Variants in ZNF696 observed in about 807,000 individuals in gnomAD.
The protein encoded by ZNF696 is zinc finger protein 696.
Under a neutral mutation model 12.3 loss-of-function variants are expected in ZNF696, and 10 were observed. The observed-to-expected ratio is 0.81, with a 90% CI of 0.50 to 1.38. The LOEUF is 1.38. ZNF696 is among the 40% of genes most tolerant of loss of function. The pLI, the probability that ZNF696 is intolerant of heterozygous loss-of-function variation, is 0.00. For missense variants in ZNF696, 675 were observed against 554.7 expected, an observed-to-expected ratio of 1.22 and a Z score of -2.18; for synonymous variants, 304 against 243.9, an observed-to-expected ratio of 1.25 and a Z score of -2.29.
chr8:143,294,087 C>G (rs1250681801), intron 2 of ZNF696, among the ~76,000 whole-genome samples: 1 of 152,380 alleles, frequency 6.6e-6, no homozygotes, highest in East Asian at 1.9e-4. Context: ...TCGTTGGCCC[C>G]CCTCCTCCTG....
At position 143,296,224 on chromosome 8, in the gene ZNF696, C is replaced by T. The variant is rs893111554; in HGVS notation, c.549C>T (p.Cys183=). 1 of 1,594,622 alleles carries T rather than the reference C, an allele frequency of 6.3e-7. No individual in the cohort carries two copies. The change falls in exon 3 of 3, where the codon TGC becomes TGT. Residue 183 remains cysteine, a synonymous_variant. Transcript: ENST00000330143. The stretch of plus-strand genomic sequence containing the variant: ...ACAGCGGGGAGAGGCCCTACGCGTG[C>T]GCCGAGTGCGGCAAGGCCTTCGGCC... ...RAHSGERPYA[C]AECGKAFGQS... is the part of the protein sequence containing the mutation.
In ZNF696 at chr8:143,297,933, A is replaced by C. The variant is rs745660067; in HGVS notation, c.*1133A>C. On this transcript the variant is annotated 3_prime_UTR_variant, in exon 3 of 3. Coordinates refer to ENST00000330143, the MANE Select transcript of ZNF696 (RefSeq NM_030895.3). ...TCGTTTTCTCTTTGAGACTGTTATG[A>C]GTATGTACAAATGTTATTTCCTGTA... The C allele has an allele frequency of 1.3e-5, 2 of 152,168 alleles. No homozygotes were observed. The highest frequency in any genetic ancestry group is 2.9e-5 in the Non-Finnish European group (2 of 68,040). 9.4% of individuals were successfully genotyped at this position (152,168 alleles called of 1,614,324 possible).
Position 143,296,012 on chromosome 8 carries a change from G to T in ZNF696, c.337G>T (p.Gly113Cys), listed in dbSNP as rs760815415. 2.5e-6 allele frequency: 4 copies of T among 1,595,064 alleles called. No homozygotes were observed. The highest frequency in any genetic ancestry group is 1.3e-5 in the African/African-American group (1 of 74,540). ...ESDVPPNAGP[G>C]AEGGGSWKGR... ...AGACGTCCCTCCGAACGCAGGCCCC[G>T]GCGCAGAGGGCGGGGGCAGCTGGAA... Residue 113 changes from glycine to cysteine, a missense_variant, in exon 3 of 3, where the codon GGC becomes TGC. Transcript: ENST00000330143.
chr8:143,293,754 C>A (rs1815663416), intron 2 of ZNF696, among the ~76,000 whole-genome samples: 1 of 152,258 alleles, frequency 6.6e-6, no homozygotes, highest in South Asian at 2.1e-4. Flanking sequence ...AGTTCTTGAA[C>A]TTCCAAGTCT....
intron 2 of ZNF696, among the ~76,000 whole-genome samples, chr8:143,294,393 T>TTC (rs1554616977): frequency 6.6e-6 from 1 of 150,642 alleles, no homozygotes; most frequent in Non-Finnish European, 1.5e-5. Context: ...TTCTTTTCTT[T>TTC]TTTTTTTTTT....
In ZNF696 at chr8:143,295,762, G is replaced by A. The variant is rs772938812; in HGVS notation, c.87G>A (p.Ala29=). Residue 29 remains alanine, a synonymous_variant, in exon 3 of 3, where the codon GCG becomes GCA. Coordinates refer to ENST00000330143, the MANE Select transcript of ZNF696 (RefSeq NM_030895.3). The part of the protein sequence containing the change: ...SLAAVKAAFL[A]QAPSGSRSAE... ...CAGCTGTGAAGGCTGCTTTCCTGGCGCAGGCCCCGAGTGGCAGCCGGTCAG... is the reference window on the plus strand; with the variant it reads ...CAGCTGTGAAGGCTGCTTTCCTGGCACAGGCCCCGAGTGGCAGCCGGTCAG... 17 of 1,600,712 alleles carry A rather than the reference G, an allele frequency of 1.1e-5. No individual in the cohort carries two copies. Among genetic ancestry groups the A allele is most frequent in the Admixed American group, 3.5e-5 (2 of 57,922 alleles).
At chr8:143,291,920 A>C (rs1296981194) in intron 1 of ZNF696, among the ~76,000 whole-genome samples, 153 bp downstream of exon 1, 2 of 150,808 alleles carry the variant, frequency 1.3e-5, no homozygotes, top group East Asian at 3.9e-4. Flanking sequence ...GGCAGGCGGG[A>C]TTACAGGCGG....
chr8:143,292,964 C>G lies in ZNF696; in HGVS notation c.-30-8C>G, dbSNP rs755290390. On this transcript the variant is annotated splice_region_variant and splice_polypyrimidine_tract_variant and intron_variant, in intron 1 of 2. Transcript: ENST00000330143. ...GTGATTTATTTTCCTTTTCTTTTAC[C>G]TAAGCAGAAATTGTTCCAACTGCTG... The G allele has an allele frequency of 7.5e-6, 12 of 1,610,588 alleles. No homozygotes were observed. The highest frequency in any genetic ancestry group is 1.7e-5 in the Admixed American group (1 of 59,406).
Position 143,299,575 on chromosome 8 carries a change from G to A in ZNF696, c.*2775G>A, listed in dbSNP as rs1050242204. Among the ~76,000 whole-genome samples the A allele has an allele frequency of 6.6e-6, 1 of 152,176 alleles. No individual in the cohort carries two copies. Among genetic ancestry groups the A allele is most frequent in the Non-Finnish European group, 1.5e-5 (1 of 68,034 alleles). ...GGAGTTTGAGGCAGCAGTGAGCTAC[G>A]ATTGTGCCGCTGCACTCCAGACTGG... is the stretch of plus-strand genomic sequence containing the variant. On this transcript the variant is annotated 3_prime_UTR_variant, in exon 3 of 3. Transcript: ENST00000330143.
At chr8:143,292,309 C>T (rs1042897785) in intron 1 of ZNF696, 20 of 152,224 alleles carry the variant, frequency 1.3e-4, no homozygotes, top group African/African-American at 3.6e-4. Flanking sequence ...AATGTATTGC[C>T]TACTGGTTTT....
Position 143,296,386 on chromosome 8 carries a change from C to A in ZNF696, c.711C>A (p.Tyr237Ter). 2 of 1,594,500 alleles carry A rather than the reference C, an allele frequency of 1.3e-6. No homozygotes were observed. The highest frequency in any genetic ancestry group is 8.5e-7 in the Non-Finnish European group (1 of 1,173,194). Residue 237 changes from tyrosine to a stop codon, truncating the protein, a stop_gained, in exon 3 of 3, where the codon TAC becomes TAA. Coordinates refer to ENST00000330143, the MANE Select transcript of ZNF696 (RefSeq NM_030895.3). LOFTEE classifies it high-confidence loss of function. Reference protein sequence around the residue: ...HRRTHTGERLYACGECGKRFL... With the variant: ...HRRTHTGERL ...GCACCCACACCGGGGAGAGGCTGTA[C>A]GCGTGCGGCGAGTGCGGGAAGCGCT...
At position 143,293,074 on chromosome 8, in the gene ZNF696, A is replaced by G; in HGVS notation, c.64+9A>G. The G allele has an allele frequency of 1.2e-6, 2 of 1,611,024 alleles. No individual in the cohort carries two copies. The highest frequency in any genetic ancestry group is 1.7e-6 in the Non-Finnish European group (2 of 1,177,500). On this transcript the variant is annotated intron_variant, in intron 2 of 2. Transcript: ENST00000330143. The stretch of plus-strand genomic sequence containing the variant: ...GATGGAGTCCCTTGCAGGTGAGGGG[A>G]CATGTCCACAGTCGGGCCCAGAGTT...
At position 143,296,141 on chromosome 8, in the gene ZNF696, A is replaced by G. The variant is rs1335470578; in HGVS notation, c.466A>G (p.Ser156Gly). ...IHSGEKPYEC[S>G]DCGKAFIHSS... Reference sequence around the variant, plus strand: ...CTCGGGGGAGAAACCGTACGAGTGCAGCGACTGCGGGAAGGCCTTCATCCA... The same window carrying G: ...CTCGGGGGAGAAACCGTACGAGTGCGGCGACTGCGGGAAGGCCTTCATCCA... Residue 156 changes from serine to glycine, a missense_variant, in exon 3 of 3, where the codon AGC (serine) becomes GGC (glycine). Coordinates refer to ENST00000330143, the MANE Select transcript of ZNF696 (RefSeq NM_030895.3). The G allele has an allele frequency of 1.2e-6, 2 of 1,609,474 alleles. No homozygotes were observed. Among genetic ancestry groups the G allele is most frequent in the South Asian group, 1.1e-5 (1 of 90,816 alleles).
rs1815740127 is a variant in ZNF696, at chr8:143,297,397, C to G, written c.*597C>G. 6.6e-6 allele frequency: 1 copy of G among 152,292 alleles called. No individual in the cohort carries two copies. Among genetic ancestry groups the G allele is most frequent in the Non-Finnish European group, 1.5e-5 (1 of 68,124 alleles). 9.4% of individuals were successfully genotyped at this position (152,292 alleles called of 1,614,324 possible). A position where few individuals can be genotyped will look rare whatever the true frequency, so the allele number is the denominator to read the frequency against. The stretch of plus-strand genomic sequence containing the variant: ...GGGTGCGGTGGCTCCCGCCTGTAAT[C>G]CTAGCACTTTGGGAGGCCGAGGCGG... On this transcript the variant is annotated 3_prime_UTR_variant, in exon 3 of 3. Transcript: ENST00000330143.
At position 143,299,163 on chromosome 8, in the gene ZNF696, AAAAT is replaced by A. The variant is rs765179501; in HGVS notation, c.*2375_*2378del. 3.9e-4 allele frequency among the ~76,000 whole-genome samples: 59 copies of A among 152,342 alleles called. No individual in the cohort carries two copies. In the East Asian group the frequency reaches 6.9e-3, roughly 18 times the overall value. The stretch of plus-strand genomic sequence containing the variant: ...AAAAAGAGCAAAACTCCATCTTAAA[AAAAT>A]AAATAAATAAAGGAAAATGAGCCGA... On this transcript the variant is annotated 3_prime_UTR_variant, in exon 3 of 3. Coordinates refer to ENST00000330143, the MANE Select transcript of ZNF696 (RefSeq NM_030895.3).
Position 143,293,073 on chromosome 8 carries a change from G to T in ZNF696, c.64+8G>T, listed in dbSNP as rs1195201674. On this transcript the variant is annotated splice_region_variant and intron_variant, in intron 2 of 2. Coordinates refer to ENST00000330143, the MANE Select transcript of ZNF696 (RefSeq NM_030895.3). ...TGATGGAGTCCCTTGCAGGTGAGGG[G>T]ACATGTCCACAGTCGGGCCCAGAGT... 5 of 1,611,956 alleles carry T rather than the reference G, an allele frequency of 3.1e-6. No homozygotes were observed. The highest frequency in any genetic ancestry group is 4.2e-6 in the Non-Finnish European group (5 of 1,178,308).
chr8:143,296,893 G>C lies in ZNF696; in HGVS notation c.*93G>C. 1 of 1,190,312 alleles carries C rather than the reference G, an allele frequency of 8.4e-7. No individual in the cohort carries two copies. Among genetic ancestry groups the C allele is most frequent in the Non-Finnish European group, 1.1e-6 (1 of 917,436 alleles). 73.7% of individuals were successfully genotyped at this position (1,190,312 alleles called of 1,614,324 possible). The stretch of plus-strand genomic sequence containing the variant: ...TGTCCGCCCCGTGCGCGGTGAGGAA[G>C]TAACAGCCGGCTGCGCGCCTGGTTC... On this transcript the variant is annotated 3_prime_UTR_variant, in exon 3 of 3. Coordinates refer to ENST00000330143, the MANE Select transcript of ZNF696 (RefSeq NM_030895.3).
Position 143,298,234 on chromosome 8 carries a change from G to C in ZNF696, c.*1434G>C, listed in dbSNP as rs1396065905. 4.6e-5 allele frequency among the ~76,000 whole-genome samples: 7 copies of C among 152,160 alleles called. No homozygotes were observed. The highest frequency in any genetic ancestry group is 1.5e-5 in the Non-Finnish European group (1 of 68,034). On this transcript the variant is annotated 3_prime_UTR_variant, in exon 3 of 3. Coordinates refer to ENST00000330143, the MANE Select transcript of ZNF696 (RefSeq NM_030895.3). ...AAGGACTAATTGGGAAGAATTCTGG[G>C]TCCTGAGCTGGCTGCCGCTTCCAAG...
At position 143,296,943 on chromosome 8, in the gene ZNF696, C is replaced by T; in HGVS notation, c.*143C>T. On this transcript the variant is annotated 3_prime_UTR_variant, in exon 3 of 3. Transcript: ENST00000330143. ...CTCGGGTTGCGAAAGCCTCGCCAGG[C>T]CTGCATCCGCCTTGGCTTGGGAGCA... 1.3e-6 allele frequency: 1 copy of T among 758,104 alleles called. No homozygotes were observed. Among genetic ancestry groups the T allele is most frequent in the East Asian group, 3.5e-5 (1 of 28,528 alleles). 47.0% of individuals were successfully genotyped at this position (758,104 alleles called of 1,614,324 possible).
Sources: gnomAD v4.1 joint callset for allele counts (sites outside exome capture counted in the v4.1 genomes callset) on GRCh38, gnomAD v4.1.1 for gene constraint, MANE v1.5 for transcripts, NCBI Gene and HGNC (gene_info 2026-07-23, HGNC 2026-07-21) for gene names.